PAQR3: variants seen among roughly 807,000 people sequenced by gnomAD.
The protein encoded by PAQR3 is progestin and adipoQ receptor family member 3, also known as Raf kinase trapping to Golgi.
PAQR3 carries 39 observed loss-of-function variants against 41.7 expected under a neutral mutation model. The observed-to-expected ratio is 0.93, with a 90% CI of 0.72 to 1.22. The LOEUF is 1.22. Among genes scored for constraint, PAQR3 ranks in the 50% most tolerant of loss-of-function variants. The probability of loss-of-function intolerance (pLI) is 0.00; values close to 1 mark genes in which losing one functional copy is unlikely to be tolerated. For synonymous variants in PAQR3, 140 were observed against 140.6 expected (o/e 1.00, Z 0.03); for missense variants, 366 against 385.6 (o/e 0.95, Z 0.42).
chr4:78,928,314 C>T (rs1736462247), intron 3 of PAQR3, among the ~76,000 whole-genome samples: 1 of 152,012 alleles, frequency 6.6e-6, no homozygotes, highest in Admixed American at 6.6e-5. Context: ...GAAAGCTGGG[C>T]AGAAATAAAT....
At chr4:78,911,750 C>T (rs777846757), downstream of PAQR3, 3 of 1,613,970 alleles carry the variant, frequency 1.9e-6, no homozygotes, top group Admixed American at 3.3e-5. Flanking sequence ...CTGTTGGACC[C>T]CTTCGGTGCC....
chr4:78,912,190 A>C lies in PAQR3; in HGVS notation c.*8349T>G, dbSNP rs868061814. 12 of 702,118 alleles carry C rather than the reference A, an allele frequency of 1.7e-5. No homozygotes were observed. In the African/African-American group the frequency reaches 2.0e-4, roughly 12 times the overall value. The allele number at this position is 702,118 out of a possible 1,614,324, so 43.5% of individuals were successfully genotyped here. On this transcript the variant is annotated 3_prime_UTR_variant, in exon 6 of 6. Coordinates refer to ENST00000512733, the MANE Select transcript of PAQR3 (RefSeq NM_001040202.2). ...AATAAACCAAATAGAAGAATGAAGTATCTCTACAGGGTAGTAACTTGATTC... is the reference window on the plus strand; with the variant it reads ...AATAAACCAAATAGAAGAATGAAGTCTCTCTACAGGGTAGTAACTTGATTC...
rs1560567083 is a variant in PAQR3 at position 78,917,388 on chromosome 4, G to GTTAA, written c.*3147_*3150dup. ...CATTTCAGCCCTCTTAAGGATGGAG[G>GTTAA]TTAATTTTTCACAAGAAACCCCCTA... On this transcript the variant is annotated 3_prime_UTR_variant, in exon 6 of 6. Transcript: ENST00000512733. The GTTAA allele has an allele frequency of 6.6e-6, 1 of 151,800 alleles. No homozygotes were observed. The highest frequency in any genetic ancestry group is 1.5e-5 in the Non-Finnish European group (1 of 67,852). 9.4% of individuals were successfully genotyped at this position (151,800 alleles called of 1,614,324 possible). A position where few individuals can be genotyped will look rare whatever the true frequency, so the allele number is the denominator to read the frequency against.
chr4:78,938,987 AAGGGTGT>A, intron 1 of PAQR3, 46 bp downstream of exon 1: 3 of 1,475,660 alleles, frequency 2.0e-6, no homozygotes, highest in Non-Finnish European at 1.8e-6. Flanking sequence ...ACCAGACAAA[AAGGGTGT>A]AGGTGAGAGA....
chr4:78,916,972 C>T lies in PAQR3; in HGVS notation c.*3567G>A, dbSNP rs990337917. 3 of 150,846 alleles carry T rather than the reference C, an allele frequency of 2.0e-5. No homozygotes were observed. Among genetic ancestry groups the T allele is most frequent in the African/African-American group, 7.3e-5 (3 of 40,956 alleles). The allele number at this position is 150,846 out of a possible 1,614,324, so 9.3% of individuals were successfully genotyped here. ...CTTTTTCTGAAGTTGTAACATTTAT[C>T]TAAAGTTATGTGAAAAAAAGGGGCT... On this transcript the variant is annotated 3_prime_UTR_variant, in exon 6 of 6. Transcript: ENST00000512733.
chr4:78,921,089 G>A (rs550373877), intron 5 of PAQR3, among the ~76,000 whole-genome samples: 2 of 152,002 alleles, frequency 1.3e-5, no homozygotes, highest in African/African-American at 4.8e-5. Context: ...ATACTGCTGG[G>A]TTTAGATATA....
chr4:78,922,008 A>G, intron 5 of PAQR3: 1 of 1,003,584 alleles, frequency 1.0e-6, no homozygotes, highest in Non-Finnish European at 1.2e-6. Context: ...TGAATATTTT[A>G]AGGCCTAAAA....
At position 78,926,608 on chromosome 4, in the gene PAQR3, G is replaced by A. The variant is rs1290226764; in HGVS notation, c.615C>T (p.Ile205=). ...LTQQWQRLRS[I]IFCSVSGYGV... ...CATATCCCGAAACAGAACAAAAGAT[G>A]ATAGAACGGAGCCTTTGCCATTGCT... Residue 205 remains isoleucine, a synonymous_variant, in exon 4 of 6, where the codon ATC becomes ATT. Transcript: ENST00000512733. 8 of 1,613,854 alleles carry A rather than the reference G, an allele frequency of 5.0e-6. No homozygotes were observed. The Admixed American group carries it at 1.0e-4, about 20-fold the overall frequency.
In PAQR3 at chr4:78,912,518, A is replaced by C. The variant is rs1363298078; in HGVS notation, c.*8021T>G. 1 of 153,946 alleles carries C rather than the reference A, an allele frequency of 6.5e-6. No homozygotes were observed. Among genetic ancestry groups the C allele is most frequent in the Non-Finnish European group, 1.4e-5 (1 of 69,326 alleles). 9.5% of individuals were successfully genotyped at this position (153,946 alleles called of 1,614,324 possible). ...ATCTAGTTATCTTAAAGCATTAGAA[A>C]GTTATTATCTGGAGAGTGCAGAGAT... On this transcript the variant is annotated 3_prime_UTR_variant, in exon 6 of 6. Transcript: ENST00000512733.
Position 78,904,132 on chromosome 4 carries a change from T to C in PAQR3, c.*836+1976A>G, listed in dbSNP as rs532371603. ...ATAAGAGAAAGCCAAGGACTGAGTT[T>C]TGAGTGTTAACAATGCATGTCTTTG... is the stretch of plus-strand genomic sequence containing the variant. On this transcript the variant is annotated intron_variant and NMD_transcript_variant, in intron 11 of 12. Coordinates refer to the PAQR3 transcript ENST00000342820. 7.2e-5 allele frequency among the ~76,000 whole-genome samples: 11 copies of C among 152,060 alleles called. No individual in the cohort carries two copies. The South Asian group carries it at 1.0e-3, about 14-fold the overall frequency.
At chr4:78,910,383 G>A (rs1388452274), downstream of PAQR3, among the ~76,000 whole-genome samples, 2 of 152,194 alleles carry the variant, frequency 1.3e-5, no homozygotes, top group Non-Finnish European at 1.5e-5. Flanking sequence ...GAGGCAGGGT[G>A]TAGGGTCCAG....
chr4:78,925,614 A>T (rs1736114985), intron 4 of PAQR3, among the ~76,000 whole-genome samples: 1 of 152,188 alleles, frequency 6.6e-6, no homozygotes, highest in Non-Finnish European at 1.5e-5. Context: ...AAATAAATGT[A>T]GGCCCACTAA....
At chr4:78,937,181 T>C (rs1299199234) in intron 1 of PAQR3, among the ~76,000 whole-genome samples, 1 of 152,200 alleles carries the variant, frequency 6.6e-6, no homozygotes, top group Admixed American at 6.5e-5. Flanking sequence ...TCCCATCTCA[T>C]GGAATGCTGA....
chr4:78,918,626 A>T lies in PAQR3; in HGVS notation c.*1913T>A. The T allele has an allele frequency of 1.0e-6, 1 of 956,176 alleles. No individual in the cohort carries two copies. Among genetic ancestry groups the T allele is most frequent in the Non-Finnish European group, 1.2e-6 (1 of 803,200 alleles). The allele number at this position is 956,176 out of a possible 1,614,324, so 59.2% of individuals were successfully genotyped here. On this transcript the variant is annotated 3_prime_UTR_variant, in exon 6 of 6. Coordinates refer to ENST00000512733, the MANE Select transcript of PAQR3 (RefSeq NM_001040202.2). ...TTTAAAAACACAGTATACTCTTTTCATGTTATTAATTCAAATGGCAAGTAT... is the reference window on the plus strand; with the variant it reads ...TTTAAAAACACAGTATACTCTTTTCTTGTTATTAATTCAAATGGCAAGTAT...
intron 11 of PAQR3, among the ~76,000 whole-genome samples, chr4:78,903,399 GTCTTAT>G (rs1402357973): frequency 1.3e-5 from 2 of 151,800 alleles, no homozygotes; most frequent in African/African-American, 2.4e-5. Flanking sequence ...GTCTGGTATT[GTCTTAT>G]TCTTCTTTGT....
At chr4:78,910,861 T>A, downstream of PAQR3, 1 of 1,613,800 alleles carries the variant, frequency 6.2e-7, no homozygotes, top group Non-Finnish European at 8.5e-7. Context: ...ACAAGGAGAT[T>A]TTAATGATGA....
At chr4:78,922,760 G>C (rs1296475540) in intron 5 of PAQR3, 4 of 366,826 alleles carry the variant, frequency 1.1e-5, no homozygotes, top group South Asian at 6.4e-5. Flanking sequence ...CCCTAACCCT[G>C]GGGGGAAAAA....
chr4:78,922,122 A>C (rs894074616), intron 5 of PAQR3: 5 of 1,033,918 alleles, frequency 4.8e-6, no homozygotes. Context: ...TAATAAAGTG[A>C]TACAAAAATA....
intron 11 of PAQR3, among the ~76,000 whole-genome samples, chr4:78,890,554 A>G (rs1045826285): frequency 1.3e-4 from 20 of 152,004 alleles, no homozygotes; most frequent in Non-Finnish European, 1.5e-5. Context: ...CCATGATCAC[A>G]TTTCCTGTCT....
Sources: allele counts gnomAD v4.1 joint callset (sites outside exome capture counted in the v4.1 genomes callset), GRCh38; gene constraint gnomAD v4.1.1; transcripts MANE v1.5; gene names NCBI Gene and HGNC (gene_info 2026-07-23, HGNC 2026-07-21).